PCDHGA11: variants seen among roughly 807,000 people sequenced by gnomAD.
PCDHGA11 encodes the protein protocadherin gamma-A11.
PCDHGA11 carries 39 observed loss-of-function variants against 60.4 expected under a neutral mutation model. The ratio of observed to expected loss-of-function variants is 0.65; its 90% confidence interval spans 0.50 to 0.84. The LOEUF (loss-of-function observed/expected upper bound fraction) is 0.84. PCDHGA11 is among the 40% of genes least tolerant of loss of function. The pLI is 0.00. For missense variants in PCDHGA11, 1,165 were observed against 1,197.7 expected, an observed-to-expected ratio of 0.97 and a Z score of 0.40; for synonymous variants, 533 against 510.3, an observed-to-expected ratio of 1.04 and a Z score of -0.60.
At chr5:141,439,266 G>A (rs1314903524) in intron 1 of PCDHGA11, among the ~76,000 whole-genome samples, 1 of 151,952 alleles carries the variant, frequency 6.6e-6, no homozygotes, top group Non-Finnish European at 1.5e-5. Context: ...TCAGCCAACA[G>A]TTCATTCTGA....
intron 1 of PCDHGA11, 100 bp downstream of exon 1, chr5:141,423,760 G>GGT: frequency 7.2e-6 from 2 of 279,662 alleles, no homozygotes; most frequent in Non-Finnish European, 1.1e-5. Context: ...TGGGGGGGGG[G>GGT]TGGGGCGGCA....
In PCDHGA11 at chr5:141,431,248, G is replaced by C. The variant is rs1213088915; in HGVS notation, c.2433+7588G>C. On this transcript the variant is annotated intron_variant, in intron 1 of 3. Coordinates refer to ENST00000398587, the MANE Select transcript of PCDHGA11 (RefSeq NM_018914.3). This position sits in a 1 kb window ranked among gnomAD's most constrained non-coding sequence, Gnocchi z 4.8. ...CCCACGCCTGGGATCCGGATATCGG[G>C]AAGAACTCTCTGCAGAGCTACGAGC... is the stretch of plus-strand genomic sequence containing the variant. 5 of 1,614,022 alleles carry C rather than the reference G, an allele frequency of 3.1e-6. No homozygotes were observed. Among genetic ancestry groups the C allele is most frequent in the Non-Finnish European group, 4.2e-6 (5 of 1,180,056 alleles).
Position 141,477,102 on chromosome 5 carries a change from C to T in PCDHGA11, c.2434-17705C>T. 2.5e-6 allele frequency: 4 copies of T among 1,614,232 alleles called. No homozygotes were observed. The South Asian group carries it at 4.4e-5, about 18-fold the overall frequency. On this transcript the variant is annotated intron_variant, in intron 1 of 3. Coordinates refer to ENST00000398587, the MANE Select transcript of PCDHGA11 (RefSeq NM_018914.3). This position sits in a 1 kb window ranked among gnomAD's most constrained non-coding sequence, Gnocchi z 4.9. Reference sequence around the variant, plus strand: ...TACATCCAGGCCAAAGACAAGGGCGCCAATCCCGAAGGAGCACATTGCAAA... The same window carrying T: ...TACATCCAGGCCAAAGACAAGGGCGTCAATCCCGAAGGAGCACATTGCAAA...
chr5:141,490,417 C>A lies in PCDHGA11; in HGVS notation c.2434-4390C>A, dbSNP rs767996336. ...AGTGAGCCTTGATATCTCTCCGGAC[C>A]TGCCATTTCAGATTAAGCCTTCTGA... On this transcript the variant is annotated intron_variant, in intron 1 of 3. Transcript: ENST00000398587. The surrounding 1 kb of genome is among the most constrained non-coding windows in gnomAD (Gnocchi z 5.4). 4.3e-6 allele frequency: 7 copies of A among 1,614,196 alleles called. No homozygotes were observed. In the South Asian group the frequency reaches 7.7e-5, roughly 18 times the overall value.
rs1405800318 is a variant in PCDHGA11 at position 141,422,893 on chromosome 5, C to A, written c.1666C>A (p.Gln556Lys). 7 of 1,614,246 alleles carry A rather than the reference C, an allele frequency of 4.3e-6. No individual in the cohort carries two copies. The highest frequency in any genetic ancestry group is 5.9e-6 in the Non-Finnish European group (7 of 1,180,042). Residue 556 changes from glutamine to lysine, a missense_variant, in exon 1 of 4, where the codon CAG (glutamine) becomes AAG (lysine). Gln to Lys is a moderately conservative substitution (Grantham distance 53). Coordinates refer to ENST00000398587, the MANE Select transcript of PCDHGA11 (RefSeq NM_018914.3). The stretch of plus-strand genomic sequence containing the variant: ...GTCGCTGAGCCTGTTCGTGCTGGAC[C>A]AGAACGACAATGCGCCCGAGATCCT... ...NVSLSLFVLD[Q>K]NDNAPEILYP... is the part of the protein sequence containing the mutation.
At chr5:141,454,789 G>T (rs1368681394) in intron 1 of PCDHGA11, among the ~76,000 whole-genome samples, 1 of 129,576 alleles carries the variant, frequency 7.7e-6, no homozygotes, top group African/African-American at 3.1e-5. Flanking sequence ...AATCCTCCAT[G>T]GTTCTAATTT....
chr5:141,430,952 C>G, intron 1 of PCDHGA11: 2 of 1,610,382 alleles, frequency 1.2e-6, no homozygotes, highest in African/African-American at 2.7e-5. Flanking sequence ...GCGCGGAGTC[C>G]GCATCATCCC....
rs755706235 is a variant in PCDHGA11 at position 141,476,450 on chromosome 5, G to A, written c.2434-18357G>A. ...TTGCACTGTAACTCTGGAGTTGGTA[G>A]TGGAGAACCCGCTGGAGCTGTTCAG... On this transcript the variant is annotated intron_variant, in intron 1 of 3. Transcript: ENST00000398587. The surrounding 1 kb of genome is among the most constrained non-coding windows in gnomAD (Gnocchi z 7.6). The A allele has an allele frequency of 6.2e-7, 1 of 1,614,180 alleles. No individual in the cohort carries two copies. The highest frequency in any genetic ancestry group is 8.5e-7 in the Non-Finnish European group (1 of 1,180,040).
intron 3 of PCDHGA11, 40 bp downstream of exon 3, chr5:141,505,521 T>C: frequency 1.9e-6 from 3 of 1,612,684 alleles, no homozygotes; most frequent in Non-Finnish European, 2.5e-6. Context: ...GTGGGAGACC[T>C]GGGGTTCTGG....
Position 141,476,977 on chromosome 5 carries a change from C to A in PCDHGA11, c.2434-17830C>A, listed in dbSNP as rs141692339. On this transcript the variant is annotated intron_variant, in intron 1 of 3. Coordinates refer to ENST00000398587, the MANE Select transcript of PCDHGA11 (RefSeq NM_018914.3). The surrounding 1 kb of genome is among the most constrained non-coding windows in gnomAD (Gnocchi z 7.6). The stretch of plus-strand genomic sequence containing the variant: ...TTATTTACTCCTTCGGCAGCCACAA[C>A]CGCGCCGGCGTGCGGCAACTATTCG... 6.2e-7 allele frequency: 1 copy of A among 1,614,232 alleles called. No individual in the cohort carries two copies. The highest frequency in any genetic ancestry group is 8.5e-7 in the Non-Finnish European group (1 of 1,180,040).
intron 1 of PCDHGA11, 94 bp downstream of exon 1, chr5:141,423,754 G>C: frequency 1.7e-6 from 1 of 577,836 alleles, no homozygotes. Flanking sequence ...ACTGTTTGGG[G>C]GGGGGGTGGG....
At chr5:141,497,849 T>G (rs1337258582) in intron 2 of PCDHGA11, among the ~76,000 whole-genome samples, 1 of 152,192 alleles carries the variant, frequency 6.6e-6, no homozygotes, top group African/African-American at 2.4e-5. Flanking sequence ...ACAAACATTT[T>G]TGATTCAGCG....
At position 141,487,934 on chromosome 5, in the gene PCDHGA11, C is replaced by G; in HGVS notation, c.2434-6873C>G. 4.9e-6 allele frequency: 3 copies of G among 607,674 alleles called. No individual in the cohort carries two copies. Among genetic ancestry groups the G allele is most frequent in the Non-Finnish European group, 5.8e-6 (2 of 347,576 alleles). The allele number at this position is 607,674 out of a possible 1,614,324, so 37.6% of individuals were successfully genotyped here. A position where few individuals can be genotyped will look rare whatever the true frequency, so the allele number is the denominator to read the frequency against. On this transcript the variant is annotated intron_variant, in intron 1 of 3. Transcript: ENST00000398587. The surrounding 1 kb of genome is among the most constrained non-coding windows in gnomAD (Gnocchi z 5.0). ...ACAGGAGGCTACAGTGCACAGGGTA[C>G]AGTGCACCAGGCAGTCACTTGGACA... is the stretch of plus-strand genomic sequence containing the variant.
intron 3 of PCDHGA11, among the ~76,000 whole-genome samples, chr5:141,508,986 G>C (rs1298630784): frequency 2.0e-5 from 3 of 152,148 alleles, no homozygotes; most frequent in Non-Finnish European, 4.4e-5. Context: ...GTGGGGGCCA[G>C]CTGGGGTAGG....
chr5:141,430,795 G>T (rs918154748), intron 1 of PCDHGA11: 7 of 1,522,458 alleles, frequency 4.6e-6, no homozygotes, highest in Non-Finnish European at 6.2e-6. Flanking sequence ...ACTACAAAGG[G>T]CTTGTCCTGC....
In PCDHGA11 at chr5:141,491,893, G is replaced by A; in HGVS notation, c.2434-2914G>A. The stretch of plus-strand genomic sequence containing the variant: ...GGCCGATTAAGGGATGGGGCTCCGA[G>A]CACCGGGGGTGGTGGCGACTGTGGG... On this transcript the variant is annotated intron_variant, in intron 1 of 3. Transcript: ENST00000398587. This position sits in a 1 kb window ranked among gnomAD's most constrained non-coding sequence, Gnocchi z 6.9. 9 of 1,438,856 alleles carry A rather than the reference G, an allele frequency of 6.3e-6. No individual in the cohort carries two copies. Among genetic ancestry groups the A allele is most frequent in the Non-Finnish European group, 8.3e-6 (9 of 1,088,104 alleles). 89.1% of individuals were successfully genotyped at this position (1,438,856 alleles called of 1,614,324 possible). A position where few individuals can be genotyped will look rare whatever the true frequency, so the allele number is the denominator to read the frequency against.
chr5:141,446,468 A>G (rs2098503159), intron 1 of PCDHGA11, among the ~76,000 whole-genome samples: 1 of 149,982 alleles, frequency 6.7e-6, no homozygotes, highest in African/African-American at 2.5e-5. Flanking sequence ...GTGATTAGAC[A>G]TATGGTCATC....
rs1330784633 is a variant in PCDHGA11 at position 141,476,330 on chromosome 5, G to A, written c.2434-18477G>A. On this transcript the variant is annotated intron_variant, in intron 1 of 3. Transcript: ENST00000398587. This position sits in a 1 kb window ranked among gnomAD's most constrained non-coding sequence, Gnocchi z 7.6. ...CCGCAGGTTCCGGGTGGTGTCTGGA[G>A]CTAGCCGAAGATTCTTTGAGGTGAA... The A allele has an allele frequency of 1.2e-6, 2 of 1,614,092 alleles. No homozygotes were observed. The highest frequency in any genetic ancestry group is 1.6e-4 in the Middle Eastern group (1 of 6,084).
chr5:141,423,806 T>C (rs2096783171), intron 1 of PCDHGA11, 146 bp downstream of exon 1: 1 of 1,251,576 alleles, frequency 8.0e-7, no homozygotes, highest in Non-Finnish European at 1.0e-6. Flanking sequence ...GCAATACATG[T>C]GAGTTTTACT....
Sources: gnomAD v4.1 joint callset for allele counts (sites outside exome capture counted in the v4.1 genomes callset) on GRCh38, gnomAD v4.1.1 for gene constraint, Gnocchi (gnomAD v3.1) non-coding constraint, MANE v1.5 for transcripts, NCBI Gene and HGNC (gene_info 2026-07-23, HGNC 2026-07-21) for gene names.